Variants in FRAS1 observed in about 807,000 individuals in gnomAD.
The protein encoded by FRAS1 is extracellular matrix organizing protein FRAS1.
Under a neutral mutation model 435.2 loss-of-function variants are expected in FRAS1, and 290 were observed. That is an observed-to-expected ratio of 0.67 (90% CI 0.61 to 0.73). The LOEUF (loss-of-function observed/expected upper bound fraction) is 0.73, where lower values mean the gene tolerates loss of function less well. Among genes scored for constraint, FRAS1 ranks in the 30% least tolerant of loss-of-function variants. The probability of loss-of-function intolerance (pLI) is 0.00; values close to 1 mark genes in which losing one functional copy is unlikely to be tolerated. For synonymous variants in FRAS1, 1,800 were observed against 1,851.0 expected (o/e 0.97, Z 0.71); for missense variants, 4,860 against 5,001.5 (o/e 0.97, Z 0.85).
intron 23 of FRAS1, among the ~76,000 whole-genome samples, 168 bp downstream of exon 23, chr4:78,370,152 T>C (rs1304441487): frequency 2.0e-5 from 3 of 152,226 alleles, no homozygotes; most frequent in Non-Finnish European, 4.4e-5. Context: ...TTCACTCCTT[T>C]ATTTACTTAT....
intron 5 of FRAS1, among the ~76,000 whole-genome samples, chr4:78,254,790 C>T (rs1318914315): frequency 6.6e-6 from 1 of 152,140 alleles, no homozygotes; most frequent in African/African-American, 2.4e-5. Context: ...TTTCTCTCAA[C>T]CTGTCATATT....
intron 1 of FRAS1, among the ~76,000 whole-genome samples, chr4:78,059,534 C>G (rs964742888): frequency 1.9e-4 from 29 of 150,446 alleles, no homozygotes; most frequent in African/African-American, 7.1e-4. Flanking sequence ...GCTTGTAGGG[C>G]TTGATTATAA....
At chr4:78,270,533 CCCCCCGCCACCCCG>C (rs1215475794) in intron 9 of FRAS1, among the ~76,000 whole-genome samples, 1 of 125,746 alleles carries the variant, frequency 8.0e-6, no homozygotes, top group African/African-American at 3.4e-5. Flanking sequence ...CCAGCCACCG[CCCCCCGCCACCCCG>C]CCCCCCCGCC....
chr4:78,245,662 G>A (rs1725208613), intron 4 of FRAS1, among the ~76,000 whole-genome samples: 3 of 152,158 alleles, frequency 2.0e-5, no homozygotes, highest in African/African-American at 7.2e-5. Context: ...GAGTAGAGCA[G>A]ATGTTATTAC....
intron 2 of FRAS1, among the ~76,000 whole-genome samples, chr4:78,164,666 T>G (rs1376701084): frequency 1.3e-5 from 2 of 152,142 alleles, no homozygotes; most frequent in African/African-American, 4.8e-5. Context: ...TGTTGATTAT[T>G]TTAATGGGGT....
At chr4:78,179,577 G>A (rs1721914319) in intron 2 of FRAS1, among the ~76,000 whole-genome samples, 1 of 152,208 alleles carries the variant, frequency 6.6e-6, no homozygotes, top group African/African-American at 2.4e-5. Flanking sequence ...TATAAACTTT[G>A]AATGTGTTGT....
chr4:78,201,929 A>G (rs1264200728), intron 2 of FRAS1, among the ~76,000 whole-genome samples: 1 of 152,218 alleles, frequency 6.6e-6, no homozygotes, highest in African/African-American at 2.4e-5. Context: ...TGTTGCGTTT[A>G]TTAGGTAAAC....
intron 2 of FRAS1, among the ~76,000 whole-genome samples, chr4:78,106,203 G>A (rs1742425999): frequency 1.0e-5 from 1 of 95,392 alleles, no homozygotes; most frequent in African/African-American, 3.9e-5. Context: ...GCTTGCTTAG[G>A]TAAACAAAGC....
At chr4:78,117,362 C>T (rs979991706) in intron 2 of FRAS1, among the ~76,000 whole-genome samples, 9 of 152,074 alleles carry the variant, frequency 5.9e-5, no homozygotes, top group African/African-American at 1.9e-4. Context: ...ATATTTCCTA[C>T]ATTTGAATGT....
chr4:78,187,694 C>G lies in FRAS1; in HGVS notation c.109-49816C>G, dbSNP rs539482976. Among the ~76,000 whole-genome samples the G allele has an allele frequency of 2.5e-4, 38 of 152,244 alleles. No individual in the cohort carries two copies. The East Asian group carries it at 7.1e-3, about 29-fold the overall frequency. Reference sequence around the variant, plus strand: ...TCTCAGCTCACTGCAACCTCCGCCTCTCAGGTTCAAGCGATTCTCCTGCCT... The same window carrying G: ...TCTCAGCTCACTGCAACCTCCGCCTGTCAGGTTCAAGCGATTCTCCTGCCT... On this transcript the variant is annotated intron_variant, in intron 2 of 73. Coordinates refer to ENST00000512123, the MANE Select transcript of FRAS1 (RefSeq NM_025074.7).
chr4:78,272,449 G>GC (rs1560618037), intron 9 of FRAS1, among the ~76,000 whole-genome samples: 1 of 152,066 alleles, frequency 6.6e-6, no homozygotes, highest in Non-Finnish European at 1.5e-5. Flanking sequence ...TTTTAGGTCT[G>GC]CCATTTAAGT....
intron 2 of FRAS1, among the ~76,000 whole-genome samples, chr4:78,101,870 T>C (rs922052580): frequency 3.9e-5 from 6 of 152,206 alleles, no homozygotes; most frequent in African/African-American, 1.4e-4. Context: ...AGGCAGAGTG[T>C]TGACAGTCAC....
intron 71 of FRAS1, among the ~76,000 whole-genome samples, chr4:78,535,486 C>G (rs1299438229): frequency 2.6e-5 from 4 of 152,192 alleles, no homozygotes; most frequent in African/African-American, 4.8e-5. Context: ...TCCTTCCAAG[C>G]ATGCTCCTCC....
chr4:78,191,372 T>C (rs1370686585), intron 2 of FRAS1, among the ~76,000 whole-genome samples: 1 of 152,226 alleles, frequency 6.6e-6, no homozygotes, highest in Non-Finnish European at 1.5e-5. Context: ...TCTAGCTTTT[T>C]GGATCATCAG....
rs372170620 is a variant in FRAS1 at position 78,472,238 on chromosome 4, C to T, written c.7430C>T (p.Ala2477Val). The T allele has an allele frequency of 1.4e-5, 22 of 1,613,752 alleles. No homozygotes were observed. The highest frequency in any genetic ancestry group is 9.3e-5 in the African/African-American group (7 of 74,914). Residue 2477 changes from alanine to valine, a missense_variant, in exon 52 of 74, where the codon GCG (alanine) becomes GTG (valine). Ala to Val is a moderately conservative substitution (Grantham distance 64, BLOSUM62 0). Transcript: ENST00000512123. ...LLTMDPDTEDAQLVYEITTGP... is the reference protein window; with the variant it reads ...LLTMDPDTEDVQLVYEITTGP... ...ACCATGGACCCAGACACCGAGGACG[C>T]GCAGCTTGTCTATGAGATAACGACG...
At chr4:78,175,130 A>G (rs1721709768) in intron 2 of FRAS1, among the ~76,000 whole-genome samples, 3 of 152,190 alleles carry the variant, frequency 2.0e-5, no homozygotes, top group Admixed American at 6.5e-5. Context: ...GACACTGCCC[A>G]TCAGGCTCCT....
chr4:78,298,004 C>T (rs1728215127), intron 14 of FRAS1, among the ~76,000 whole-genome samples: 1 of 53,978 alleles, frequency 1.9e-5, no homozygotes, highest in South Asian at 3.5e-4. Context: ...TAATTTGTTC[C>T]TCTCTCTCTC....
At chr4:78,313,480 A>G (rs1015450171) in intron 15 of FRAS1, among the ~76,000 whole-genome samples, 1 of 152,168 alleles carries the variant, frequency 6.6e-6, no homozygotes, top group Non-Finnish European at 1.5e-5. Flanking sequence ...TCTATTTTTG[A>G]AACATTGATT....
At chr4:78,274,866 T>C (rs375978455) in intron 9 of FRAS1, among the ~76,000 whole-genome samples, 11 of 152,074 alleles carry the variant, frequency 7.2e-5, no homozygotes, top group East Asian at 5.8e-4. Context: ...TCCTGGATAT[T>C]CTTGTTAACT....
Sources: gnomAD v4.1 joint callset for allele counts (sites outside exome capture counted in the v4.1 genomes callset) on GRCh38, gnomAD v4.1.1 for gene constraint, MANE v1.5 for transcripts, NCBI Gene and HGNC (gene_info 2026-07-23, HGNC 2026-07-21) for gene names.